TRPM8: variants seen among roughly 807,000 people sequenced by gnomAD.
The protein encoded by TRPM8 is TRPM8 cationic channel.
A neutral mutation model predicts 133.7 loss-of-function variants in TRPM8; 110 were observed. That is an observed-to-expected ratio of 0.82 (90% CI 0.70 to 0.96). The LOEUF is 0.96. TRPM8 is among the 40% of genes least tolerant of loss of function. The pLI, the probability that TRPM8 is intolerant of heterozygous loss-of-function variation, is 0.00. For synonymous variants in TRPM8, 535 were observed against 532.3 expected (o/e 1.01, Z -0.07); for missense variants, 1,291 against 1,379.5 (o/e 0.94, Z 1.02).
intron 3 of TRPM8, among the ~76,000 whole-genome samples, chr2:233,935,775 G>C (rs1690717923): frequency 6.6e-6 from 1 of 152,118 alleles, no homozygotes; most frequent in African/African-American, 2.4e-5. Flanking sequence ...AACCAAGTGG[G>C]TGGGGCAGGC....
chr2:234,000,223 G>A (rs1692521494), intron 22 of TRPM8, among the ~76,000 whole-genome samples: 1 of 151,690 alleles, frequency 6.6e-6, no homozygotes, highest in African/African-American at 2.4e-5. Flanking sequence ...TGATTCTCCT[G>A]CCTCAGCCTC....
intron 19 of TRPM8, 98 bp downstream of exon 19, chr2:233,982,013 C>A: frequency 7.8e-7 from 1 of 1,275,030 alleles, no homozygotes; most frequent in Non-Finnish European, 1.1e-6. Context: ...ACGACTGTTG[C>A]ATTTCACCAT....
At chr2:233,955,397 T>G in intron 11 of TRPM8, 147 bp downstream of exon 11, 1 of 613,390 alleles carries the variant, frequency 1.6e-6, no homozygotes, top group South Asian at 2.2e-5. Context: ...TGAGGCTTAA[T>G]TTCCTTGTTT....
At chr2:233,972,785 C>T (rs1691764000) in intron 17 of TRPM8, among the ~76,000 whole-genome samples, 1 of 152,192 alleles carries the variant, frequency 6.6e-6, no homozygotes, top group Non-Finnish European at 1.5e-5. Context: ...CAAGCCCACG[C>T]CCACCCGGAA....
chr2:233,974,233 T>G (rs1401091400), intron 17 of TRPM8, among the ~76,000 whole-genome samples: 3 of 151,976 alleles, frequency 2.0e-5, no homozygotes, highest in Non-Finnish European at 2.9e-5. Flanking sequence ...GTTTTTTAGT[T>G]TTTTTGTTGT....
chr2:233,939,789 C>G (rs1690859784), intron 5 of TRPM8, among the ~76,000 whole-genome samples: 1 of 152,190 alleles, frequency 6.6e-6, no homozygotes, highest in African/African-American at 2.4e-5. Flanking sequence ...CCATAAATAT[C>G]TACGTATGAC....
intron 17 of TRPM8, among the ~76,000 whole-genome samples, chr2:233,970,863 C>G (rs989459654): frequency 2.0e-5 from 3 of 152,158 alleles, no homozygotes; most frequent in Non-Finnish European, 2.9e-5. Flanking sequence ...TTGTGTAAGT[C>G]CCTGTGGGTC....
At chr2:233,981,944 AT>A in intron 19 of TRPM8, 29 bp downstream of exon 19, 1 of 1,567,844 alleles carries the variant, frequency 6.4e-7, no homozygotes. Flanking sequence ...TGTAGTCATC[AT>A]TTTTCTTGCG....
intron 22 of TRPM8, among the ~76,000 whole-genome samples, chr2:233,999,407 A>G (rs986278332): frequency 2.0e-5 from 3 of 152,176 alleles, no homozygotes; most frequent in South Asian, 2.1e-4. Flanking sequence ...GCTGCGTTCT[A>G]TTGGTCCAAG....
rs200853140 is a variant in TRPM8, at chr2:233,969,771, T to G, written c.2102T>G (p.Ile701Ser). 2 of 1,613,868 alleles carry G rather than the reference T, an allele frequency of 1.2e-6. No individual in the cohort carries two copies. The highest frequency in any genetic ancestry group is 1.7e-6 in the Non-Finnish European group (2 of 1,179,728). The change falls in exon 16 of 26, where the codon ATT becomes AGT. Residue 701 changes from isoleucine (I) to serine (S), a missense_variant. Around this residue, in one of 2 missense-constraint regions of TRPM8, gnomAD observed 963 missense variants for 968.9 expected, o/e 0.99. Transcript: ENST00000324695. ...TGGAAGATTATCCTGTGTCTGTTTA[T>G]TATACCCTTGGTGGGCTGTGGCTTT... ...KNWKIILCLFIIPLVGCGFVS... is the reference protein window; with the variant it reads ...KNWKIILCLFSIPLVGCGFVS...
chr2:233,984,515 TTTCA>T (rs1349205453), intron 20 of TRPM8, among the ~76,000 whole-genome samples: 1 of 152,206 alleles, frequency 6.6e-6, no homozygotes, highest in East Asian at 1.9e-4. Flanking sequence ...CCTTCTCAGA[TTTCA>T]TTCCCCTCTA....
At chr2:233,944,982 T>C (rs899776759) in intron 6 of TRPM8, among the ~76,000 whole-genome samples, 1 of 152,182 alleles carries the variant, frequency 6.6e-6, no homozygotes, top group Non-Finnish European at 1.5e-5. Flanking sequence ...ATCTAGTTAG[T>C]GGCAGGTTCA....
In TRPM8 at chr2:234,014,614, A is replaced by G. The variant is rs751542871; in HGVS notation, c.*2A>G. On this transcript the variant is annotated 3_prime_UTR_variant, in exon 25 of 26. Coordinates refer to ENST00000324695, the MANE Select transcript of TRPM8 (RefSeq NM_024080.5). ...GAGATTGCTAATAAAATCAAATAAA[A>G]CTGTATGAACTCTAATGGAGAAAAA... is the stretch of plus-strand genomic sequence containing the variant. 2.0e-6 allele frequency: 3 copies of G among 1,514,948 alleles called. No homozygotes were observed. Among genetic ancestry groups the G allele is most frequent in the Admixed American group, 2.1e-5 (1 of 47,902 alleles). The allele number at this position is 1,514,948 out of a possible 1,614,324, so 93.8% of individuals were successfully genotyped here. A position where few individuals can be genotyped will look rare whatever the true frequency, so the allele number is the denominator to read the frequency against.
intron 17 of TRPM8, 76 bp from the exon 18 acceptor site, chr2:233,980,112 G>A (rs1356351188): frequency 2.0e-6 from 2 of 985,548 alleles, no homozygotes; most frequent in Admixed American, 2.4e-5. Context: ...AAGAAAATGA[G>A]TGGACATTTA....
At position 233,939,147 on chromosome 2, in the gene TRPM8, C is replaced by T. The variant is rs199553680; in HGVS notation, c.498C>T (p.Ser166=). 812 of 1,614,116 alleles carry T rather than the reference C, an allele frequency of 5.0e-4. 3 individuals carry two copies. The highest frequency in any genetic ancestry group is 2.2e-4 in the East Asian group (10 of 44,878). The change falls in exon 5 of 26, where the codon AGC becomes AGT. Residue 166 remains serine, a synonymous_variant. Coordinates refer to ENST00000324695, the MANE Select transcript of TRPM8 (RefSeq NM_024080.5). ...AGCCGCGCATGCGCAAGATCTTCAG[C>T]CGGCTCATCTACATCGCGCAGTCCA... ...ALKPRMRKIF[S]RLIYIAQSKG... is the part of the protein sequence containing the mutation.
At chr2:233,940,547 T>G (rs767977530) in intron 5 of TRPM8, among the ~76,000 whole-genome samples, 1 of 152,232 alleles carries the variant, frequency 6.6e-6, no homozygotes, top group Non-Finnish European at 1.5e-5. Flanking sequence ...AAAAAGTCCC[T>G]GGGCTGGGGC....
chr2:233,949,852 C>A, intron 8 of TRPM8, 97 bp from the exon 9 acceptor site: 1 of 1,065,566 alleles, frequency 9.4e-7, no homozygotes, highest in Non-Finnish European at 1.4e-6. Context: ...AGGGATGTGT[C>A]CGTGTGTTTC....
At chr2:233,980,542 T>G (rs539777906) in intron 18 of TRPM8, among the ~76,000 whole-genome samples, 21 of 152,260 alleles carry the variant, frequency 1.4e-4, no homozygotes, top group African/African-American at 4.1e-4. Context: ...AGAATTATTT[T>G]TTTTAAGTAG....
intron 21 of TRPM8, among the ~76,000 whole-genome samples, chr2:233,991,606 T>C (rs1692279927): frequency 1.3e-5 from 2 of 152,250 alleles, no homozygotes; most frequent in Non-Finnish European, 2.9e-5. Flanking sequence ...AAGTTTCTTG[T>C]ATTTCAGTGT....
Sources: gnomAD v4.1 joint callset for allele counts (sites outside exome capture counted in the v4.1 genomes callset) on GRCh38, gnomAD v4.1.1 for gene constraint, gnomAD v4.1.1 regional missense constraint, MANE v1.5 for transcripts, NCBI Gene and HGNC (gene_info 2026-07-23, HGNC 2026-07-21) for gene names.